Variants in HOXA6 observed in about 807,000 individuals in gnomAD.
HOXA6 encodes homeobox protein Hox-A6.
A neutral mutation model predicts 23.2 loss-of-function variants in HOXA6; 19 were observed. The observed-to-expected ratio is 0.82, with a 90% CI of 0.57 to 1.20. The LOEUF (loss-of-function observed/expected upper bound fraction) is 1.20. Ranked by LOEUF, HOXA6 falls within the 50% of genes most tolerant of loss-of-function variation. The probability of loss-of-function intolerance (pLI) is 0.00; values close to 1 mark genes in which losing one functional copy is unlikely to be tolerated. For synonymous variants in HOXA6, 140 were observed against 132.6 expected, an observed-to-expected ratio of 1.06 and a Z score of -0.38; for missense variants, 346 against 313.6, an observed-to-expected ratio of 1.10 and a Z score of -0.78.
In HOXA6 at chr7:27,147,730, T is replaced by G; in HGVS notation, c.20A>C (p.Asn7Thr). 1 of 1,609,428 alleles carries G rather than the reference T, an allele frequency of 6.2e-7. No homozygotes were observed. Among genetic ancestry groups the G allele is most frequent in the Non-Finnish European group, 8.5e-7 (1 of 1,179,226 alleles). Reference sequence around the variant, plus strand: ...GGGAAGGCTCCCGGGGAAAGTGGGATTCACAAAATAGGAACTCATTTGCGC... The same window carrying G: ...GGGAAGGCTCCCGGGGAAAGTGGGAGTCACAAAATAGGAACTCATTTGCGC... MSSYFV[N>T]PTFPGSLPSG... Residue 7 changes from asparagine to threonine, a missense_variant, in exon 1 of 2, where the codon AAT becomes ACT. Transcript: ENST00000222728.
At chr7:27,146,087 C>T (rs1782753009) in intron 1 of HOXA6, among the ~76,000 whole-genome samples, 170 bp from the exon 2 acceptor site, 1 of 152,218 alleles carries the variant, frequency 6.6e-6, no homozygotes, top group South Asian at 2.1e-4. Context: ...TTATTTCATA[C>T]CAAGCGAGAT....
At chr7:27,147,251 T>G (rs1449698051) in intron 1 of HOXA6, 57 bp downstream of exon 1, 8 of 1,475,066 alleles carry the variant, frequency 5.4e-6, no homozygotes, top group African/African-American at 1.4e-5. Flanking sequence ...CCTCCTTCTT[T>G]CTTTCTTTTC....
At chr7:27,146,774 G>A (rs1036353338) in intron 1 of HOXA6, among the ~76,000 whole-genome samples, 1 of 152,174 alleles carries the variant, frequency 6.6e-6, no homozygotes, top group African/African-American at 2.4e-5. Context: ...TAGAAGCCGG[G>A]GGAGATGAGG....
rs771813425 is a variant in HOXA6, at chr7:27,147,398, C to G, written c.352G>C (p.Gly118Arg). 1 of 1,614,186 alleles carries G rather than the reference C, an allele frequency of 6.2e-7. No homozygotes were observed. Among genetic ancestry groups the G allele is most frequent in the Non-Finnish European group, 8.5e-7 (1 of 1,180,026 alleles). Residue 118 changes from glycine to arginine, a missense_variant, in exon 1 of 2, where the codon GGG (glycine) becomes CGG (arginine). Coordinates refer to ENST00000222728, the MANE Select transcript of HOXA6 (RefSeq NM_024014.4). ...TCGTCATGGAGTGCTTTGCCCTGCC[C>G]GCTGCTGCTGTCGGGTTTGTACTGC... ...EQQYKPDSSS[G>R]QGKALHDEGA...
rs753243931 is a variant in HOXA6 at position 27,145,445 on chromosome 7, A to AGGTTT, written c.*208_*212dup. The stretch of plus-strand genomic sequence containing the variant: ...CCACCGCTGGTATTGGCTGTGTGTG[A>AGGTTT]GGTTTTGTTTTGTTTTGTTTTGTTT... On this transcript the variant is annotated 3_prime_UTR_variant, in exon 2 of 2. Coordinates refer to ENST00000222728, the MANE Select transcript of HOXA6 (RefSeq NM_024014.4). 9,176 of 521,816 alleles carry AGGTTT rather than the reference A, an allele frequency of 0.018. 165 individuals carry two copies. The highest frequency in any genetic ancestry group is 0.02 in the Non-Finnish European group (6,062 of 299,240). 32.3% of individuals were successfully genotyped at this position (521,816 alleles called of 1,614,324 possible).
chr7:27,147,265 C>G, intron 1 of HOXA6, 43 bp downstream of exon 1: 22 of 1,515,390 alleles, frequency 1.5e-5, no homozygotes, highest in Non-Finnish European at 1.7e-5. Context: ...TCTTTTCCTG[C>G]CTCCTTTCCC....
chr7:27,146,818 G>C (rs894042344), intron 1 of HOXA6, among the ~76,000 whole-genome samples: 3 of 152,230 alleles, frequency 2.0e-5, no homozygotes, highest in African/African-American at 7.2e-5. Context: ...GTCTGGGGCT[G>C]TGGCCCTCCA....
chr7:27,145,664 G>T lies in HOXA6; in HGVS notation c.696C>A (p.Gly232=), dbSNP rs1583410739. The T allele has an allele frequency of 1.9e-6, 3 of 1,613,072 alleles. No homozygotes were observed. Among genetic ancestry groups the T allele is most frequent in the Non-Finnish European group, 2.5e-6 (3 of 1,179,406 alleles). Residue 232 remains glycine (G), a synonymous_variant, in exon 2 of 2, where the codon GGC becomes GGA. Transcript: ENST00000222728. ...CTGGTCCCTGCCCAGGCATCTACTC[G>T]CCCGCCTTTGCCTCTGAGTCCTCCC... is the stretch of plus-strand genomic sequence containing the variant. ...PSGEDSEAKA[G]E
In HOXA6 at chr7:27,147,484, G is replaced by A. The variant is rs1195205618; in HGVS notation, c.266C>T (p.Ser89Leu). The change falls in exon 1 of 2, where the codon TCG (serine) becomes TTG (leucine). Residue 89 changes from serine to leucine, a missense_variant. Transcript: ENST00000222728. ...FYSDKDLSGA[S>L]PSGSGKQRGP... ...CCTCTGCTTGCCACTGCCCGAGGGC[G>A]AGGCGCCACTGAGGTCCTTATCAGA... 21 of 1,614,056 alleles carry A rather than the reference G, an allele frequency of 1.3e-5. No individual in the cohort carries two copies. Among genetic ancestry groups the A allele is most frequent in the Non-Finnish European group, 1.6e-5 (19 of 1,180,020 alleles).
chr7:27,146,027 C>T (rs1449103835), intron 1 of HOXA6, 110 bp from the exon 2 acceptor site: 1 of 1,226,216 alleles, frequency 8.2e-7, no homozygotes, highest in Non-Finnish European at 1.1e-6. Context: ...CCCGCCTCCA[C>T]TCCAGCCTCT....
rs1000312377 is a variant in HOXA6, at chr7:27,145,740, C to A, written c.620G>T (p.Arg207Leu). The change falls in exon 2 of 2, where the codon CGC (arginine) becomes CTC (leucine). Residue 207 changes from arginine (R) to leucine (L), a missense_variant. By Grantham distance (102) the Arg-to-Leu change is moderately radical (BLOSUM62 -2). Coordinates refer to ENST00000222728, the MANE Select transcript of HOXA6 (RefSeq NM_024014.4). ...CTTGTTTTCCTTTTTCCACTTCATG[C>A]GGCGGTTCTGGAACCAGATCTTGAT... Reference protein sequence around the residue: ...RQIKIWFQNRRMKWKKENKLI... With the variant: ...RQIKIWFQNRLMKWKKENKLI... 1.2e-6 allele frequency: 2 copies of A among 1,614,206 alleles called. No individual in the cohort carries two copies. Among genetic ancestry groups the A allele is most frequent in the Non-Finnish European group, 1.7e-6 (2 of 1,180,036 alleles).
At position 27,147,437 on chromosome 7, in the gene HOXA6, A is replaced by G. The variant is rs993976489; in HGVS notation, c.313T>C (p.Phe105Leu). Residue 105 changes from phenylalanine (F) to leucine (L), a missense_variant, in exon 1 of 2, where the codon TTT becomes CTT. Physicochemically the swap from Phe to Leu is conservative, Grantham distance 22. Transcript: ENST00000222728. Reference protein sequence around the residue: ...KQRGPGDYLHFSPEQQYKPDS... With the variant: ...KQRGPGDYLHLSPEQQYKPDS... ...GGTTTGTACTGCTGCTCGGGAGAAA[A>G]GTGCAGGTAGTCCCCGGGGCCCCTC... 1.2e-6 allele frequency: 2 copies of G among 1,614,038 alleles called. No individual in the cohort carries two copies. The highest frequency in any genetic ancestry group is 8.5e-7 in the Non-Finnish European group (1 of 1,180,042).
intron 1 of HOXA6, chr7:27,147,106 G>A: frequency 1.6e-6 from 1 of 610,304 alleles, no homozygotes. Context: ...CATGGACACT[G>A]GGGCCTTGCC....
At chr7:27,145,997 G>T in intron 1 of HOXA6, 80 bp from the exon 2 acceptor site, 2 of 1,512,006 alleles carry the variant, frequency 1.3e-6, no homozygotes, top group Non-Finnish European at 1.8e-6. Flanking sequence ...CCCACAAGAG[G>T]CACCCAGACT....
In HOXA6 at chr7:27,147,525, C is replaced by T. The variant is rs1268903732; in HGVS notation, c.225G>A (p.Gly75=). ...CCTTATCAGAATAGAAACACGAGGC[C>T]CCGTACTCGTAGGACGCCCGGTTGC... ...LACNRASYEY[G]ASCFYSDKDL... is the part of the protein sequence containing the mutation. The change falls in exon 1 of 2, where the codon GGG becomes GGA. Residue 75 remains glycine (G), a synonymous_variant. Coordinates refer to ENST00000222728, the MANE Select transcript of HOXA6 (RefSeq NM_024014.4). The T allele has an allele frequency of 6.2e-7, 1 of 1,614,178 alleles. No individual in the cohort carries two copies. Among genetic ancestry groups the T allele is most frequent in the South Asian group, 1.1e-5 (1 of 91,080 alleles).
chr7:27,146,065 C>T (rs1782751671), intron 1 of HOXA6, 148 bp from the exon 2 acceptor site: 2 of 908,596 alleles, frequency 2.2e-6, no homozygotes, highest in South Asian at 1.7e-5. Flanking sequence ...CCAAAGCATA[C>T]TGAATGGGAG....
In HOXA6 at chr7:27,147,699, GC is replaced by G. The variant is rs890054197; in HGVS notation, c.50del (p.Gly17AlafsTer19). The G allele has an allele frequency of 1.6e-5, 26 of 1,613,140 alleles. No homozygotes were observed. The highest frequency in any genetic ancestry group is 2.2e-5 in the Non-Finnish European group (26 of 1,179,812). On this transcript the variant is annotated frameshift_variant, in exon 1 of 2. Coordinates refer to ENST00000222728, the MANE Select transcript of HOXA6 (RefSeq NM_024014.4). LOFTEE classifies it high-confidence loss of function. Reference sequence around the variant, plus strand: ...GCAGCTGGCCCAAGAAGGAGTCCTGGCCGCTGGGAAGGCTCCCGGGGAAAGT... The same window carrying G: ...GCAGCTGGCCCAAGAAGGAGTCCTGGCGCTGGGAAGGCTCCCGGGGAAAGT... ...NPTFPGSLPS[G>X]QDSFLGQLPL... is the part of the protein sequence containing the mutation.
rs1044749855 is a variant in HOXA6, at chr7:27,145,707, T to C, written c.653A>G (p.Asn218Ser). 3.1e-6 allele frequency: 5 copies of C among 1,614,092 alleles called. No individual in the cohort carries two copies. Among genetic ancestry groups the C allele is most frequent in the African/African-American group, 2.7e-5 (2 of 74,938 alleles). The change falls in exon 2 of 2, where the codon AAT becomes AGT. Residue 218 changes from asparagine (N) to serine (S), a missense_variant. Physicochemically the swap from Asn to Ser is conservative, Grantham distance 46 (BLOSUM62 1). Transcript: ENST00000222728. ...GTCCTCCCCGCTGGGCTGCGTGGAA[T>C]TGATGAGCTTGTTTTCCTTTTTCCA... ...MKWKKENKLI[N>S]STQPSGEDSE...
chr7:27,147,648 C>T lies in HOXA6; in HGVS notation c.102G>A (p.Ala34=). The change falls in exon 1 of 2, where the codon GCG becomes GCA. Residue 34 remains alanine (A), a synonymous_variant. Coordinates refer to ENST00000222728, the MANE Select transcript of HOXA6 (RefSeq NM_024014.4). ...CGTACGAGGCCGGGAAGGGCCTCAGCGCGTCATAGCCAGCCTGGTAGAGGG... is the reference window on the plus strand; with the variant it reads ...CGTACGAGGCCGGGAAGGGCCTCAGTGCGTCATAGCCAGCCTGGTAGAGGG... ...QLPLYQAGYD[A]LRPFPASYGA... 3 of 1,614,186 alleles carry T rather than the reference C, an allele frequency of 1.9e-6. No homozygotes were observed. Among genetic ancestry groups the T allele is most frequent in the Non-Finnish European group, 1.7e-6 (2 of 1,180,048 alleles).
Sources: gnomAD v4.1 joint callset for allele counts (sites outside exome capture counted in the v4.1 genomes callset) on GRCh38, gnomAD v4.1.1 for gene constraint, MANE v1.5 for transcripts, NCBI Gene and HGNC (gene_info 2026-07-23, HGNC 2026-07-21) for gene names.